GPR180: variants seen among roughly 807,000 people sequenced by gnomAD.
The protein encoded by GPR180 is G protein-coupled receptor 180.
Under a neutral mutation model 52.6 loss-of-function variants are expected in GPR180, and 53 were observed. The observed-to-expected ratio is 1.01, with a 90% confidence interval of 0.81 to 1.27. The LOEUF (loss-of-function observed/expected upper bound fraction) is 1.27. Among genes scored for constraint, GPR180 ranks in the 50% most tolerant of loss-of-function variants. The pLI, the probability that GPR180 is intolerant of heterozygous loss-of-function variation, is 0.00. For missense variants in GPR180, 533 were observed against 527.0 expected (o/e 1.01, Z -0.11); for synonymous variants, 200 against 193.1 (o/e 1.04, Z -0.30).
Position 94,631,529 on chromosome 13 carries a change from T to C in GPR180, c.*4358T>C, listed in dbSNP as rs1167292257. On this transcript the variant is annotated 3_prime_UTR_variant, in exon 9 of 9. Transcript: ENST00000376958. ...TTTGTTGTACTTAGCTGGTTTATCTTTGTCATCTCTCAAATTAGAATATAA... is the reference window on the plus strand; with the variant it reads ...TTTGTTGTACTTAGCTGGTTTATCTCTGTCATCTCTCAAATTAGAATATAA... 3 of 150,688 alleles carry C rather than the reference T, an allele frequency of 2.0e-5. No individual in the cohort carries two copies. In the East Asian group the frequency reaches 5.9e-4, roughly 29 times the overall value. The allele number at this position is 150,688 out of a possible 1,614,324, so 9.3% of individuals were successfully genotyped here. A position where few individuals can be genotyped will look rare whatever the true frequency, so the allele number is the denominator to read the frequency against.
intron 2 of GPR180, among the ~76,000 whole-genome samples, chr13:94,606,695 TTTATC>T (rs1417231576): frequency 6.6e-6 from 1 of 152,202 alleles, no homozygotes; most frequent in Non-Finnish European, 1.5e-5. Flanking sequence ...ACATCTGGCT[TTTATC>T]TTATCAGCTG....
At chr13:94,609,616 A>G (rs1889678140) in intron 2 of GPR180, among the ~76,000 whole-genome samples, 1 of 152,208 alleles carries the variant, frequency 6.6e-6, no homozygotes, top group Non-Finnish European at 1.5e-5. Flanking sequence ...TCCGGATTAT[A>G]TAATTGCAAA....
intron 7 of GPR180, among the ~76,000 whole-genome samples, chr13:94,624,601 A>C (rs1353687224): frequency 6.6e-6 from 1 of 152,234 alleles, no homozygotes; most frequent in African/African-American, 2.4e-5. Flanking sequence ...TCTATCGCCC[A>C]GGCTGGAGTG....
In GPR180 at chr13:94,627,362, A is replaced by G. The variant is rs1439989783; in HGVS notation, c.*191A>G. 4.2e-6 allele frequency: 2 copies of G among 479,086 alleles called. No individual in the cohort carries two copies. The highest frequency in any genetic ancestry group is 4.2e-5 in the Admixed American group (1 of 23,626). 29.7% of individuals were successfully genotyped at this position (479,086 alleles called of 1,614,324 possible). A position where few individuals can be genotyped will look rare whatever the true frequency, so the allele number is the denominator to read the frequency against. ...GGTAATAAATGAAATGTTTTGAAAT[A>G]TACTTAAACAACAAACTTTGAAGAA... On this transcript the variant is annotated 3_prime_UTR_variant, in exon 9 of 9. Coordinates refer to ENST00000376958, the MANE Select transcript of GPR180 (RefSeq NM_180989.6).
rs1281298888 is a variant in GPR180 at position 94,612,183 on chromosome 13, T to C, written c.305-7T>C. 3 of 1,612,912 alleles carry C rather than the reference T, an allele frequency of 1.9e-6. 1 individual carries two copies. In the South Asian group the frequency reaches 3.3e-5, roughly 18 times the overall value. On this transcript the variant is annotated splice_region_variant and splice_polypyrimidine_tract_variant and intron_variant, in intron 2 of 8. Transcript: ENST00000376958. ...TGTTACAAAAGGTGTTTTCTTTCTC[T>C]TTAAAGTGACCATGAACCAGACCGA...
intron 2 of GPR180, among the ~76,000 whole-genome samples, chr13:94,608,268 A>T (rs907525641): frequency 6.6e-6 from 1 of 152,206 alleles, no homozygotes; most frequent in Non-Finnish European, 1.5e-5. Context: ...AGGTGTCCCT[A>T]AGGTTCATGA....
intron 3 of GPR180, among the ~76,000 whole-genome samples, chr13:94,614,027 C>G (rs992445104): frequency 6.6e-6 from 1 of 151,934 alleles, no homozygotes; most frequent in Non-Finnish European, 1.5e-5. Context: ...TACAGGCACC[C>G]ACCACTACAC....
At position 94,630,060 on chromosome 13, in the gene GPR180, T is replaced by A. The variant is rs1477413075; in HGVS notation, c.*2889T>A. The A allele has an allele frequency of 6.6e-6, 1 of 152,254 alleles. No individual in the cohort carries two copies. Among genetic ancestry groups the A allele is most frequent in the Non-Finnish European group, 1.5e-5 (1 of 68,034 alleles). 9.4% of individuals were successfully genotyped at this position (152,254 alleles called of 1,614,324 possible). On this transcript the variant is annotated 3_prime_UTR_variant, in exon 9 of 9. Transcript: ENST00000376958. The stretch of plus-strand genomic sequence containing the variant: ...TTTTTGTTTGTTTTGAGAATTGATA[T>A]GATTGTTAGAAGTAGCCAGATACGA...
chr13:94,615,783 T>G (rs1889770347), intron 3 of GPR180, among the ~76,000 whole-genome samples: 1 of 152,206 alleles, frequency 6.6e-6, no homozygotes, highest in South Asian at 2.1e-4. Context: ...ATCTCACTGT[T>G]TTTAAAATTC....
At chr13:94,620,734 T>C (rs1889839892) in intron 5 of GPR180, among the ~76,000 whole-genome samples, 1 of 152,116 alleles carries the variant, frequency 6.6e-6, no homozygotes. Context: ...AGCAGTGAGT[T>C]ATAGAGAACA....
chr13:94,615,764 A>G (rs1273698137), intron 3 of GPR180, among the ~76,000 whole-genome samples: 2 of 152,234 alleles, frequency 1.3e-5, no homozygotes, highest in Non-Finnish European at 2.9e-5. Context: ...AGGCTCTGCC[A>G]CATCTGCCAT....
At chr13:94,604,031 G>A (rs1014694576) in intron 1 of GPR180, among the ~76,000 whole-genome samples, 4 of 152,118 alleles carry the variant, frequency 2.6e-5, no homozygotes, top group African/African-American at 7.2e-5. Flanking sequence ...CTTGAGGTCA[G>A]GAGTTCAATA....
chr13:94,611,859 C>T (rs975670467), intron 2 of GPR180, among the ~76,000 whole-genome samples: 5 of 150,332 alleles, frequency 3.3e-5, no homozygotes, highest in Admixed American at 2.0e-4. Context: ...CCCCTCCCAT[C>T]GCTCCCAATA....
Position 94,601,997 on chromosome 13 carries a change from A to G in GPR180, c.70A>G (p.Thr24Ala). The G allele has an allele frequency of 2.0e-6, 3 of 1,482,948 alleles. No homozygotes were observed. Among genetic ancestry groups the G allele is most frequent in the Non-Finnish European group, 2.7e-6 (3 of 1,120,822 alleles). 91.9% of individuals were successfully genotyped at this position (1,482,948 alleles called of 1,614,324 possible). Residue 24 changes from threonine to alanine, a missense_variant, in exon 1 of 9, where the codon ACC becomes GCC. Thr to Ala is a moderately conservative substitution (Grantham distance 58). Coordinates refer to ENST00000376958, the MANE Select transcript of GPR180 (RefSeq NM_180989.6). ...GTGGCCGCAGGGCAGCCAGGGTAAG[A>G]CCCTGCGGGGCAGCTTCAGCAGCAC... Reference protein sequence around the residue: ...CWWPQGSQGKTLRGSFSSTAA... With the variant: ...CWWPQGSQGKALRGSFSSTAA...
At chr13:94,611,502 T>C (rs148652859) in intron 2 of GPR180, among the ~76,000 whole-genome samples, 4 of 152,266 alleles carry the variant, frequency 2.6e-5, no homozygotes, top group African/African-American at 9.6e-5. Context: ...TTTTTTTGAA[T>C]GTCATTAACC....
Position 94,623,219 on chromosome 13 carries a change from G to T in GPR180, c.1005G>T (p.Leu335Phe). The change falls in exon 7 of 9, where the codon TTG becomes TTT. Residue 335 changes from leucine (L) to phenylalanine (F), a missense_variant. Leu to Phe is a conservative substitution (Grantham distance 22). Coordinates refer to ENST00000376958, the MANE Select transcript of GPR180 (RefSeq NM_180989.6). ...TTGTTCTAAGAATTTGCCTAGCATTGTCATTAGGCTGTGGACTCTATCAGA... is the reference window on the plus strand; with the variant it reads ...TTGTTCTAAGAATTTGCCTAGCATTTTCATTAGGCTGTGGACTCTATCAGA... Reference protein sequence around the residue: ...LLIVLRICLALSLGCGLYQII... With the variant: ...LLIVLRICLAFSLGCGLYQII... 6.2e-7 allele frequency: 1 copy of T among 1,613,842 alleles called. No individual in the cohort carries two copies. Among genetic ancestry groups the T allele is most frequent in the Non-Finnish European group, 8.5e-7 (1 of 1,179,768 alleles).
Position 94,627,106 on chromosome 13 carries a change from T to A in GPR180, c.1258T>A (p.Ser420Thr). The change falls in exon 9 of 9, where the codon TCA becomes ACA. Residue 420 changes from serine to threonine, a missense_variant. Transcript: ENST00000376958. ...LSHSLYWEVS[S>T]LSSVTLPLTI... ...TCACAGTCTATACTGGGAAGTTTCT[T>A]CACTTTCTTCAGTAACACTACCACT... 1.2e-6 allele frequency: 2 copies of A among 1,613,270 alleles called. No homozygotes were observed. The highest frequency in any genetic ancestry group is 1.7e-4 in the Middle Eastern group (1 of 6,058).
rs762623938 is a variant in GPR180 at position 94,601,935 on chromosome 13, G to GT, written c.8_9insT (p.Leu4AlafsTer20). 5 of 1,493,988 alleles carry GT rather than the reference G, an allele frequency of 3.3e-6. No homozygotes were observed. In the Admixed American group the frequency reaches 8.8e-5, roughly 26 times the overall value. 92.5% of individuals were successfully genotyped at this position (1,493,988 alleles called of 1,614,324 possible). The stretch of plus-strand genomic sequence containing the variant: ...GCAGACCTGGAGACGGGCATGGGGG[G>GT]GCTGCGGCTGCTGGCTGTGGCCCTC... On this transcript the variant is annotated frameshift_variant, in exon 1 of 9. Coordinates refer to ENST00000376958, the MANE Select transcript of GPR180 (RefSeq NM_180989.6). LOFTEE classifies it high-confidence loss of function.
chr13:94,602,108 C>A, intron 1 of GPR180, 36 bp downstream of exon 1: 1 of 1,287,788 alleles, frequency 7.8e-7, no homozygotes, highest in Admixed American at 4.0e-5. Context: ...TGAAGGCGCG[C>A]TGGCCCATCC....
Sources: gnomAD v4.1 joint callset for allele counts (sites outside exome capture counted in the v4.1 genomes callset) on GRCh38, gnomAD v4.1.1 for gene constraint, MANE v1.5 for transcripts, NCBI Gene and HGNC (gene_info 2026-07-23, HGNC 2026-07-21) for gene names.